Variants in VAV3 observed in about 807,000 individuals in gnomAD.
The protein encoded by VAV3 is vav guanine nucleotide exchange factor 3, also known as guanine nucleotide exchange factor VAV3.
In VAV3, 94 loss-of-function variants were observed where a neutral mutation model predicts 131.2. That is an observed-to-expected ratio of 0.72 (90% CI 0.61 to 0.85). The LOEUF is 0.85. VAV3 is among the 40% of genes least tolerant of loss of function. The pLI is 0.00. For missense variants in VAV3, 939 were observed against 1,002.7 expected (o/e 0.94, Z 0.86); for synonymous variants, 349 against 342.0 (o/e 1.02, Z -0.22).
chr1:107,585,159 A>G (rs982249351), intron 25 of VAV3, among the ~76,000 whole-genome samples: 1 of 152,216 alleles, frequency 6.6e-6, no homozygotes, highest in African/African-American at 2.4e-5. Flanking sequence ...CAGAGCAAAA[A>G]CCTTAGAATT....
At chr1:107,903,023 A>C (rs1187486826) in intron 1 of VAV3, among the ~76,000 whole-genome samples, 1 of 152,234 alleles carries the variant, frequency 6.6e-6, no homozygotes, top group Non-Finnish European at 1.5e-5. Flanking sequence ...GTGTGAAAGA[A>C]ATAATTTTAA....
intron 17 of VAV3, among the ~76,000 whole-genome samples, chr1:107,701,742 G>A (rs950952338): frequency 6.6e-6 from 1 of 152,012 alleles, no homozygotes; most frequent in African/African-American, 2.4e-5. Flanking sequence ...AGATCTCTAG[G>A]GTGGGGCACA....
chr1:107,842,335 A>G (rs1668758005), intron 2 of VAV3, among the ~76,000 whole-genome samples: 1 of 152,228 alleles, frequency 6.6e-6, no homozygotes, highest in South Asian at 2.1e-4. Context: ...ACTGTTGGCC[A>G]CAGTTGAGTG....
At chr1:107,953,548 T>C (rs1674655693) in intron 1 of VAV3, among the ~76,000 whole-genome samples, 1 of 152,194 alleles carries the variant, frequency 6.6e-6, no homozygotes, top group African/African-American at 2.4e-5. Flanking sequence ...ACATTTTAGT[T>C]GCTATTTAGT....
intron 1 of VAV3, among the ~76,000 whole-genome samples, chr1:107,878,032 TATTTA>T (rs1363045512): frequency 2.0e-5 from 3 of 151,572 alleles, no homozygotes; most frequent in African/African-American, 4.8e-5. Flanking sequence ...TTTTCCAGTT[TATTTA>T]TTTTATTTTT....
chr1:107,777,570 T>C, intron 3 of VAV3: 2 of 477,638 alleles, frequency 4.2e-6, no homozygotes, highest in Middle Eastern at 5.5e-4. Context: ...CAGGGGGTCA[T>C]AATAACGTGC....
chr1:107,639,380 TA>T (rs75758271), intron 20 of VAV3, among the ~76,000 whole-genome samples: 33,734 of 150,212 alleles, frequency 0.22, 4,790 homozygotes, highest in Middle Eastern at 0.33. Context: ...ATCAAGAGAA[TA>T]AAAAAAAAGC....
chr1:107,922,095 C>G (rs1340817479), intron 1 of VAV3, among the ~76,000 whole-genome samples: 1 of 152,130 alleles, frequency 6.6e-6, no homozygotes, highest in Non-Finnish European at 1.5e-5. Flanking sequence ...AAACTGTATT[C>G]AGGAAAACAA....
At chr1:107,735,024 G>T (rs1203595539) in intron 15 of VAV3, among the ~76,000 whole-genome samples, 1 of 152,096 alleles carries the variant, frequency 6.6e-6, no homozygotes, top group East Asian at 1.9e-4. Context: ...ACTACAGTGT[G>T]ATCAAAGTGG....
intron 21 of VAV3, among the ~76,000 whole-genome samples, chr1:107,615,091 G>A (rs141106590): frequency 4.6e-5 from 7 of 152,174 alleles, no homozygotes; most frequent in African/African-American, 1.7e-4. Flanking sequence ...TTTCAAGACT[G>A]TAATGTAATA....
intron 1 of VAV3, among the ~76,000 whole-genome samples, chr1:107,944,122 G>A (rs190394760): frequency 9.2e-5 from 14 of 152,294 alleles, no homozygotes; most frequent in African/African-American, 3.4e-4. Flanking sequence ...AAAAACCCAA[G>A]GAGCAAAGAT....
intron 1 of VAV3, among the ~76,000 whole-genome samples, chr1:107,905,553 C>CT (rs1407007851): frequency 6.6e-6 from 1 of 152,054 alleles, no homozygotes; most frequent in Non-Finnish European, 1.5e-5. Context: ...ATCTAGAATA[C>CT]TTTTTATGAA....
intron 2 of VAV3, among the ~76,000 whole-genome samples, chr1:107,801,851 CA>C (rs1300183688): frequency 6.6e-6 from 1 of 152,080 alleles, no homozygotes; most frequent in Non-Finnish European, 1.5e-5. Flanking sequence ...TTTAACAGAA[CA>C]ATATTAATTC....
chr1:107,842,673 G>A (rs954070939), intron 2 of VAV3, among the ~76,000 whole-genome samples: 1 of 152,038 alleles, frequency 6.6e-6, no homozygotes, highest in African/African-American at 2.4e-5. Flanking sequence ...TTAATTTGAA[G>A]TTTGGGTGTC....
intron 25 of VAV3, among the ~76,000 whole-genome samples, chr1:107,581,506 G>T (rs1227969300): frequency 6.6e-6 from 1 of 152,164 alleles, no homozygotes; most frequent in Non-Finnish European, 1.5e-5. Flanking sequence ...AATATAAATA[G>T]AAGTTATCTG....
intron 19 of VAV3, among the ~76,000 whole-genome samples, chr1:107,651,401 T>C (rs957280862): frequency 1.3e-5 from 2 of 152,160 alleles, no homozygotes; most frequent in African/African-American, 4.8e-5. Context: ...GGTACCAGAC[T>C]ATAGCACCTT....
Position 107,603,078 on chromosome 1 carries a change from T to C in VAV3, c.2101A>G (p.Lys701Glu), listed in dbSNP as rs775352646. Residue 701 changes from lysine (K) to glutamate (E), a missense_variant, in exon 23 of 27, where the codon AAA (lysine) becomes GAA (glutamate). By Grantham distance (56) the Lys-to-Glu change is moderately conservative. Coordinates refer to ENST00000370056, the MANE Select transcript of VAV3 (RefSeq NM_006113.5). ...NSTYLVRHRT[K>E]ESGEYAISIK... ...CTAATTGCATATTCTCCTGACTCTT[T>C]GGTCCTGTGCCTCACAAGGTAAGTA... 3.1e-6 allele frequency: 5 copies of C among 1,613,642 alleles called. No individual in the cohort carries two copies. The highest frequency in any genetic ancestry group is 1.7e-4 in the Middle Eastern group (1 of 6,056).
At chr1:107,593,129 T>C in intron 25 of VAV3, among the ~76,000 whole-genome samples, 1 of 152,208 alleles carries the variant, frequency 6.6e-6, no homozygotes, top group East Asian at 1.9e-4. Context: ...CAGCCTACAA[T>C]GGGCCCCTAA....
chr1:107,812,890 A>C (rs972353808), intron 2 of VAV3, among the ~76,000 whole-genome samples: 1 of 152,090 alleles, frequency 6.6e-6, no homozygotes, highest in Non-Finnish European at 1.5e-5. Context: ...TTGGGAGGCC[A>C]AGGCAGGCGG....
Sources: allele counts gnomAD v4.1 joint callset (sites outside exome capture counted in the v4.1 genomes callset), GRCh38; gene constraint gnomAD v4.1.1; transcripts MANE v1.5; gene names NCBI Gene and HGNC (gene_info 2026-07-23, HGNC 2026-07-21).